KLHL23: variants seen among roughly 807,000 people sequenced by gnomAD.
KLHL23 encodes the protein kelch-like protein 23.
In KLHL23, 33 loss-of-function variants were observed where a neutral mutation model predicts 48.9. That is an observed-to-expected ratio of 0.67 (90% CI 0.51 to 0.90). KLHL23 has a LOEUF of 0.90. Among genes scored for constraint, KLHL23 ranks in the 40% least tolerant of loss-of-function variants. The probability of loss-of-function intolerance (pLI) is 0.00; values close to 1 mark genes in which losing one functional copy is unlikely to be tolerated. For missense variants in KLHL23, 608 were observed against 669.6 expected (o/e 0.91, Z 1.02); for synonymous variants, 234 against 231.6 (o/e 1.01, Z -0.09).
intron 2 of KLHL23, among the ~76,000 whole-genome samples, chr2:169,738,040 G>A (rs532245893): frequency 4.6e-5 from 7 of 152,324 alleles, no homozygotes; most frequent in African/African-American, 9.6e-5. Flanking sequence ...GCATGCTTGC[G>A]TTAACCTTGA....
intron 3 of KLHL23, among the ~76,000 whole-genome samples, chr2:169,742,069 G>A (rs937795979): frequency 1.5e-4 from 23 of 152,310 alleles, no homozygotes; most frequent in Non-Finnish European, 3.1e-4. Context: ...CTGCCCATAA[G>A]GAATGGCCTA....
intron 2 of KLHL23, among the ~76,000 whole-genome samples, chr2:169,737,438 A>G (rs1202454242): frequency 6.6e-6 from 1 of 152,134 alleles, no homozygotes. Context: ...GAGTCTCACC[A>G]CTACTTGCCG....
chr2:169,739,757 G>T (rs1428390680), intron 2 of KLHL23, among the ~76,000 whole-genome samples: 8 of 152,132 alleles, frequency 5.3e-5, no homozygotes, highest in African/African-American at 1.9e-4. Flanking sequence ...TGAGAAATGT[G>T]TGATTAGGCA....
rs1309469663 is a variant in KLHL23, at chr2:169,741,439, G to A, written c.1268G>A (p.Gly423Asp). Residue 423 changes from glycine to aspartate, a missense_variant, in exon 3 of 4, where the codon GGC (glycine) becomes GAC (aspartate). Around this residue, in one of 3 missense-constraint regions of KLHL23, gnomAD observed 10 missense variants for 26.6 expected, o/e 0.38. Transcript: ENST00000392647. Reference sequence around the variant, plus strand: ...CATGATGTTATCTACGTCATTGGTGGCCACTGTGGCTACAGAGGAAGCTGC... The same window carrying A: ...CATGATGTTATCTACGTCATTGGTGACCACTGTGGCTACAGAGGAAGCTGC... Reference protein sequence around the residue: ...VLHDVIYVIGGHCGYRGSCTY... With the variant: ...VLHDVIYVIGDHCGYRGSCTY... 3 of 1,613,788 alleles carry A rather than the reference G, an allele frequency of 1.9e-6. No individual in the cohort carries two copies. The highest frequency in any genetic ancestry group is 1.7e-5 in the Admixed American group (1 of 59,994).
intron 2 of KLHL23, among the ~76,000 whole-genome samples, chr2:169,738,401 C>T (rs58582710): frequency 0.15 from 22,094 of 152,052 alleles, 1,633 homozygotes; most frequent in Middle Eastern, 0.23. Flanking sequence ...ACCACCACAC[C>T]CAGCCATACT....
At chr2:169,741,302 AAAC>A (rs554076118) in intron 2 of KLHL23, 80 bp from the exon 3 acceptor site, 37 of 1,515,396 alleles carry the variant, frequency 2.4e-5, no homozygotes, top group South Asian at 7.9e-5. Context: ...GTAATAACAA[AAAC>A]AACAATAAAT....
At position 169,735,405 on chromosome 2, in the gene KLHL23, G is replaced by A; in HGVS notation, c.391G>A (p.Val131Ile). 1 of 1,613,564 alleles carries A rather than the reference G, an allele frequency of 6.2e-7. No individual in the cohort carries two copies. Among genetic ancestry groups the A allele is most frequent in the Non-Finnish European group, 8.5e-7 (1 of 1,179,924 alleles). The stretch of plus-strand genomic sequence containing the variant: ...AAAGAAGGCTTGTGAGCGGTTTTTG[G>A]TAAGGCACTTGGATATTGATAATTG... Reference protein sequence around the residue: ...SVKKACERFLVRHLDIDNCIG... With the variant: ...SVKKACERFLIRHLDIDNCIG... Residue 131 changes from valine to isoleucine, a missense_variant, in exon 2 of 4, where the codon GTA (valine) becomes ATA (isoleucine). This residue lies in a region of KLHL23 where 419 missense variants were observed against 473.1 expected (regional missense o/e 0.89). Coordinates refer to ENST00000392647, the MANE Select transcript of KLHL23 (RefSeq NM_144711.6). The surrounding 1 kb of genome is among the most constrained non-coding windows in gnomAD (Gnocchi z 4.5).
At chr2:169,743,673 G>A (rs1688726778) in intron 3 of KLHL23, among the ~76,000 whole-genome samples, 1 of 152,206 alleles carries the variant, frequency 6.6e-6, no homozygotes, top group African/African-American at 2.4e-5. Flanking sequence ...CAGCAGTCAC[G>A]GGAGCCAGGG....
chr2:169,738,846 CCCTTCCTCA>C (rs1181424189), intron 2 of KLHL23, among the ~76,000 whole-genome samples: 3 of 4,746 alleles, frequency 6.3e-4, no homozygotes, highest in African/African-American at 8.6e-4. Flanking sequence ...CCTCCCCCTC[CCCTTCCTCA>C]CCCTCCCCTC....
intron 3 of KLHL23, among the ~76,000 whole-genome samples, chr2:169,744,377 G>A (rs769870042): frequency 2.6e-5 from 4 of 152,178 alleles, no homozygotes; most frequent in Non-Finnish European, 5.9e-5. Flanking sequence ...GGTAGTTTTT[G>A]AGGAAGGGTT....
rs1688674719 is a variant in KLHL23 at position 169,741,466 on chromosome 2, C to T, written c.1295C>T (p.Thr432Ile). ...GGHCGYRGSCTYDKVQSYNSD... is the reference protein window; with the variant it reads ...GGHCGYRGSCIYDKVQSYNSD... Reference sequence around the variant, plus strand: ...CACTGTGGCTACAGAGGAAGCTGCACCTATGACAAAGTTCAGAGCTACAAT... The same window carrying T: ...CACTGTGGCTACAGAGGAAGCTGCATCTATGACAAAGTTCAGAGCTACAAT... The change falls in exon 3 of 4, where the codon ACC becomes ATC. Residue 432 changes from threonine (T) to isoleucine (I), a missense_variant. Coordinates refer to ENST00000392647, the MANE Select transcript of KLHL23 (RefSeq NM_144711.6). 1 of 1,613,972 alleles carries T rather than the reference C, an allele frequency of 6.2e-7. No homozygotes were observed. The highest frequency in any genetic ancestry group is 8.5e-7 in the Non-Finnish European group (1 of 1,179,930).
In KLHL23 at chr2:169,749,547, A is replaced by G; in HGVS notation, c.1492A>G (p.Arg498Gly). ...WREIAPMMER[R>G]MECGAVIMNG... Reference sequence around the variant, plus strand: ...AGAGATAGCTCCCATGATGGAAAGGAGGATGGAGTGCGGTGCCGTCATCAT... The same window carrying G: ...AGAGATAGCTCCCATGATGGAAAGGGGGATGGAGTGCGGTGCCGTCATCAT... Residue 498 changes from arginine (R) to glycine (G), a missense_variant, in exon 4 of 4, where the codon AGG (arginine) becomes GGG (glycine). This residue lies in a region of KLHL23 where 179 missense variants were observed against 169.9 expected (regional missense o/e 1.05). Coordinates refer to ENST00000392647, the MANE Select transcript of KLHL23 (RefSeq NM_144711.6). The G allele has an allele frequency of 1.2e-6, 2 of 1,614,140 alleles. No homozygotes were observed. Among genetic ancestry groups the G allele is most frequent in the Non-Finnish European group, 1.7e-6 (2 of 1,180,022 alleles).
chr2:169,736,333 A>T (rs1042579600), intron 2 of KLHL23, 106 bp downstream of exon 2: 14 of 1,414,778 alleles, frequency 9.9e-6, no homozygotes, highest in Non-Finnish European at 1.3e-5. Flanking sequence ...TAGGAACTAT[A>T]GTTAATTATA....
At chr2:169,734,540 T>C (rs1192829533) in intron 1 of KLHL23, among the ~76,000 whole-genome samples, 3 of 152,288 alleles carry the variant, frequency 2.0e-5, no homozygotes, top group East Asian at 3.9e-4. Flanking sequence ...GGGATTTCCC[T>C]TTTCCGAGAC....
rs776387671 is a variant in KLHL23, at chr2:169,735,721, A to G, written c.707A>G (p.Lys236Arg). The G allele has an allele frequency of 6.2e-7, 1 of 1,614,018 alleles. No individual in the cohort carries two copies. Among genetic ancestry groups the G allele is most frequent in the Non-Finnish European group, 8.5e-7 (1 of 1,180,026 alleles). The change falls in exon 2 of 4, where the codon AAA (lysine) becomes AGA (arginine). Residue 236 changes from lysine (K) to arginine (R), a missense_variant. By Grantham distance (26) the Lys-to-Arg change is conservative (BLOSUM62 2). This residue lies in a region of KLHL23 where 419 missense variants were observed against 473.1 expected (regional missense o/e 0.89). Coordinates refer to ENST00000392647, the MANE Select transcript of KLHL23 (RefSeq NM_144711.6). This position sits in a 1 kb window ranked among gnomAD's most constrained non-coding sequence, Gnocchi z 4.5. ...INIDIDPVYL[K>R]TALGLQRSCL... ...ATTGATATAGATCCAGTGTACTTAA[A>G]AACAGCCTTAGGCCTTCAAAGAAGC... is the stretch of plus-strand genomic sequence containing the variant.
chr2:169,746,443 G>A (rs925688543), intron 3 of KLHL23, among the ~76,000 whole-genome samples: 1 of 152,160 alleles, frequency 6.6e-6, no homozygotes, highest in Non-Finnish European at 1.5e-5. Context: ...CTTTTGAGCC[G>A]TGACAGATGG....
chr2:169,734,545 C>T (rs746728516), intron 1 of KLHL23, among the ~76,000 whole-genome samples: 2 of 152,204 alleles, frequency 1.3e-5, no homozygotes, highest in Admixed American at 6.5e-5. Context: ...TTCCCTTTTC[C>T]GAGACCTCTT....
intron 3 of KLHL23, 111 bp from the exon 4 acceptor site, chr2:169,749,311 C>G: frequency 6.8e-6 from 8 of 1,171,788 alleles, no homozygotes; most frequent in Non-Finnish European, 9.3e-6. Context: ...ACCACCACTC[C>G]CTATTTTTTG....
In KLHL23 at chr2:169,750,600, CTT is replaced by C. The variant is rs1355247402; in HGVS notation, c.*870_*871del. The C allele has an allele frequency of 6.6e-6, 1 of 151,946 alleles. No homozygotes were observed. Among genetic ancestry groups the C allele is most frequent in the Non-Finnish European group, 1.5e-5 (1 of 67,962 alleles). 9.4% of individuals were successfully genotyped at this position (151,946 alleles called of 1,614,324 possible). A position where few individuals can be genotyped will look rare whatever the true frequency, so the allele number is the denominator to read the frequency against. On this transcript the variant is annotated 3_prime_UTR_variant, in exon 4 of 4. Transcript: ENST00000392647. ...CAGAATTATTTAGAATGTGGATTTA[CTT>C]TGTCTAGTTTTTTCCTTTATAGTGT...
Sources: gnomAD v4.1 joint callset for allele counts (sites outside exome capture counted in the v4.1 genomes callset) on GRCh38, gnomAD v4.1.1 for gene constraint, gnomAD v4.1.1 regional missense constraint, Gnocchi (gnomAD v3.1) non-coding constraint, MANE v1.5 for transcripts, NCBI Gene and HGNC (gene_info 2026-07-23, HGNC 2026-07-21) for gene names.